Variants in DROSHA observed in about 807,000 individuals in gnomAD.
The protein encoded by DROSHA is drosha ribonuclease III, also known as ribonuclease 3.
In DROSHA, 56 loss-of-function variants were observed where a neutral mutation model predicts 181.9. The ratio of observed to expected loss-of-function variants is 0.31; its 90% confidence interval spans 0.25 to 0.38. The LOEUF is 0.38. DROSHA is among the 10% of genes least tolerant of loss of function. The pLI, the probability that DROSHA is intolerant of heterozygous loss-of-function variation, is 1.00. For missense variants in DROSHA, 1,218 were observed against 1,743.5 expected, an observed-to-expected ratio of 0.70 and a Z score of 5.37; for synonymous variants, 524 against 591.2, an observed-to-expected ratio of 0.89 and a Z score of 1.65.
chr5:31,458,355 G>A (rs970333048), intron 20 of DROSHA, among the ~76,000 whole-genome samples: 4 of 152,170 alleles, frequency 2.6e-5, no homozygotes, highest in Non-Finnish European at 4.4e-5. Flanking sequence ...GGGACTACTT[G>A]TTGTATGTTA....
chr5:31,509,105 G>A (rs980279753), intron 9 of DROSHA, among the ~76,000 whole-genome samples: 4 of 152,104 alleles, frequency 2.6e-5, no homozygotes, highest in Non-Finnish European at 5.9e-5. Context: ...TTATAGGCAT[G>A]AGCCACCGCA....
intron 25 of DROSHA, among the ~76,000 whole-genome samples, chr5:31,433,541 A>G (rs1744428123): frequency 6.6e-6 from 1 of 151,912 alleles, no homozygotes; most frequent in African/African-American, 2.4e-5. Context: ...ACGCATTAGC[A>G]CAACTTCTTT....
chr5:31,505,176 C>T (rs938152338), intron 10 of DROSHA, among the ~76,000 whole-genome samples: 2 of 152,156 alleles, frequency 1.3e-5, no homozygotes, highest in African/African-American at 4.8e-5. Flanking sequence ...CCACGAACTC[C>T]GCCCACAAGG....
At position 31,483,620 on chromosome 5, in the gene DROSHA, A is replaced by T. The variant is rs576947167; in HGVS notation, c.2005T>A (p.Phe669Ile). 5 of 1,610,502 alleles carry T rather than the reference A, an allele frequency of 3.1e-6. No individual in the cohort carries two copies. In the South Asian group the frequency reaches 5.5e-5, roughly 18 times the overall value. Residue 669 changes from phenylalanine (F) to isoleucine (I), a missense_variant, in exon 16 of 36, where the codon TTT becomes ATT. This residue lies in a region of DROSHA where 460 missense variants were observed against 774.2 expected (regional missense o/e 0.59). Transcript: ENST00000344624. ...LYDWNLKGPLFEDSPPCCPRF... is the reference protein window; with the variant it reads ...LYDWNLKGPLIEDSPPCCPRF... ...GGGCAGCAGGGAGGGCTGTCTTCAA[A>T]CAAAGGACCTGAAGCAAACAAATGA...
chr5:31,453,309 C>T (rs1395511843), intron 20 of DROSHA, among the ~76,000 whole-genome samples: 1 of 152,170 alleles, frequency 6.6e-6, no homozygotes, highest in Admixed American at 6.5e-5. Context: ...GATCCTCCCA[C>T]CTCAGCCACC....
intron 27 of DROSHA, among the ~76,000 whole-genome samples, chr5:31,427,532 A>C (rs1743633233): frequency 6.6e-6 from 1 of 152,222 alleles, no homozygotes; most frequent in East Asian, 1.9e-4. Context: ...AAATGCCATT[A>C]TGACCCTCTG....
In DROSHA at chr5:31,451,000, G is replaced by A. The variant is rs189200861; in HGVS notation, c.2682+533C>T. Among the ~76,000 whole-genome samples the A allele has an allele frequency of 2.4e-3, 366 of 152,204 alleles. 4 individuals carry two copies. Among genetic ancestry groups the A allele is most frequent in the Non-Finnish European group, 3.5e-3 (237 of 68,020 alleles). ...GCACATCACCTGAGGTCAGAAGTTCGAGACCAGCCTGGCCAACATGGCAAA... is the reference window on the plus strand; with the variant it reads ...GCACATCACCTGAGGTCAGAAGTTCAAGACCAGCCTGGCCAACATGGCAAA... On this transcript the variant is annotated intron_variant, in intron 21 of 35. Transcript: ENST00000344624.
intron 13 of DROSHA, among the ~76,000 whole-genome samples, chr5:31,491,985 G>C (rs889666567): frequency 6.6e-6 from 1 of 152,036 alleles, no homozygotes; most frequent in Non-Finnish European, 1.5e-5. Context: ...GTAGAGACGG[G>C]GTTTCGCCAT....
chr5:31,455,356 A>G (rs1051978467), intron 20 of DROSHA, among the ~76,000 whole-genome samples: 1 of 152,136 alleles, frequency 6.6e-6, no homozygotes, highest in African/African-American at 2.4e-5. Flanking sequence ...CCAGAAGAGA[A>G]GCAAAGAAAA....
At chr5:31,464,849 T>C (rs1424124100) in intron 19 of DROSHA, among the ~76,000 whole-genome samples, 2 of 152,126 alleles carry the variant, frequency 1.3e-5, no homozygotes, top group Non-Finnish European at 1.5e-5. Context: ...TGAGACATGA[T>C]TAGGAACTAA....
intron 13 of DROSHA, among the ~76,000 whole-genome samples, chr5:31,489,787 C>A (rs1752172157): frequency 6.6e-6 from 1 of 152,224 alleles, no homozygotes; most frequent in African/African-American, 2.4e-5. Context: ...GGGAAGCCAA[C>A]TAAAGTGGGA....
intron 6 of DROSHA, among the ~76,000 whole-genome samples, chr5:31,516,373 C>T (rs1434675368): frequency 6.6e-6 from 1 of 152,156 alleles, no homozygotes; most frequent in East Asian, 1.9e-4. Context: ...GTAAGATCAC[C>T]TGGTAGCCTT....
At chr5:31,491,507 A>C (rs984804661) in intron 13 of DROSHA, among the ~76,000 whole-genome samples, 1 of 152,200 alleles carries the variant, frequency 6.6e-6, no homozygotes, top group African/African-American at 2.4e-5. Context: ...TAAGATGTAT[A>C]TTACTTCTAG....
chr5:31,431,352 C>G (rs1744150129), intron 26 of DROSHA, among the ~76,000 whole-genome samples: 1 of 109,896 alleles, frequency 9.1e-6, no homozygotes, highest in Non-Finnish European at 1.7e-5. Context: ...GACACCAATT[C>G]AGGCAGTAGA....
chr5:31,425,776 G>A lies in DROSHA; in HGVS notation c.3217-1305C>T, dbSNP rs191492328. On this transcript the variant is annotated intron_variant, in intron 27 of 35. Transcript: ENST00000344624. ...GAGCATCTGTTACAGAAGACGGCAGGCTTAGGAGTCAGGCTGCCTGGGTCC... is the reference window on the plus strand; with the variant it reads ...GAGCATCTGTTACAGAAGACGGCAGACTTAGGAGTCAGGCTGCCTGGGTCC... Among the ~76,000 whole-genome samples, 1,122 of 152,192 alleles carry A rather than the reference G, an allele frequency of 7.4e-3. 16 individuals carry two copies. Among genetic ancestry groups the A allele is most frequent in the Admixed American group, 0.032 (482 of 15,290 alleles).
At chr5:31,530,277 C>A (rs762129739) in intron 3 of DROSHA, among the ~76,000 whole-genome samples, 1 of 152,026 alleles carries the variant, frequency 6.6e-6, no homozygotes, top group African/African-American at 2.4e-5. Flanking sequence ...TGAGTCACTG[C>A]GCCTGACTCC....
chr5:31,479,786 G>A (rs1167498535), intron 16 of DROSHA, among the ~76,000 whole-genome samples: 1 of 151,696 alleles, frequency 6.6e-6, no homozygotes, highest in African/African-American at 2.4e-5. Flanking sequence ...GCATATGTAC[G>A]TTCACCAAAG....
chr5:31,472,824 A>G (rs1561215460), intron 16 of DROSHA, among the ~76,000 whole-genome samples: 1 of 152,250 alleles, frequency 6.6e-6, no homozygotes, highest in African/African-American at 2.4e-5. Context: ...TGGAAAAAAA[A>G]CCAAGTGCTC....
chr5:31,523,189 T>C (rs1740098369), intron 5 of DROSHA, among the ~76,000 whole-genome samples: 1 of 152,234 alleles, frequency 6.6e-6, no homozygotes. Context: ...GACAGATGAC[T>C]GACATTCCAC....
Sources: gnomAD v4.1 joint callset for allele counts (sites outside exome capture counted in the v4.1 genomes callset) on GRCh38, gnomAD v4.1.1 for gene constraint, gnomAD v4.1.1 regional missense constraint, MANE v1.5 for transcripts, NCBI Gene and HGNC (gene_info 2026-07-23, HGNC 2026-07-21) for gene names.